Variants in CPNE7 observed in about 807,000 individuals in gnomAD.
CPNE7 encodes copine-7.
CPNE7 carries 78 observed loss-of-function variants against 66.5 expected under a neutral mutation model. The ratio of observed to expected loss-of-function variants is 1.17; its 90% CI spans 0.98 to 1.42. The LOEUF (loss-of-function observed/expected upper bound fraction) is 1.42, where lower values mean the gene tolerates loss of function less well. CPNE7 is among the 40% of genes most tolerant of loss of function. CPNE7 has a pLI of 0.00. For synonymous variants in CPNE7, 468 were observed against 336.7 expected, an observed-to-expected ratio of 1.39 and a Z score of -4.27; for missense variants, 1,012 against 776.6, an observed-to-expected ratio of 1.30 and a Z score of -3.60.
At chr16:89,586,912 G>T (rs2059050303) in intron 8 of CPNE7, 131 bp from the exon 9 acceptor site, 3 of 1,104,198 alleles carry the variant, frequency 2.7e-6, no homozygotes, top group African/African-American at 1.6e-5. Context: ...TGGGGAGAGA[G>T]GATGGGGGAG....
rs779031450 is a variant in CPNE7, at chr16:89,577,658, G to A, written c.294G>A (p.Gly98=). ...RLRFEVYDTH[G]PSGFSCQEDD... The stretch of plus-strand genomic sequence containing the variant: ...GCTTTGAGGTGTACGACACGCATGG[G>A]CCCAGCGGCTTCAGCTGTCAGGAGG... The change falls in exon 2 of 15, where the codon GGG becomes GGA. Residue 98 remains glycine, a synonymous_variant. Coordinates refer to ENST00000319518, the MANE Select transcript of CPNE7 (RefSeq NM_153636.3). 6.3e-7 allele frequency: 1 copy of A among 1,596,932 alleles called. No individual in the cohort carries two copies. The highest frequency in any genetic ancestry group is 8.5e-7 in the Non-Finnish European group (1 of 1,171,974).
In CPNE7 at chr16:89,596,527, C is replaced by G. The variant is rs150055504; in HGVS notation, c.1583C>G (p.Pro528Arg). 5 of 1,609,940 alleles carry G rather than the reference C, an allele frequency of 3.1e-6. No homozygotes were observed. Among genetic ancestry groups the G allele is most frequent in the South Asian group, 2.2e-5 (2 of 91,068 alleles). Residue 528 changes from proline (P) to arginine (R), a missense_variant, in exon 15 of 15, where the codon CCG (proline) becomes CGG (arginine). Transcript: ENST00000319518. ...ALAKCVLAEV[P>R]KQVVEYYSHR... The stretch of plus-strand genomic sequence containing the variant: ...GCCAAGTGCGTGCTGGCCGAGGTCC[C>G]GAAGCAGGTGGTGGAGTACTACAGC...
Position 89,596,782 on chromosome 16 carries a change from C to G in CPNE7, c.*161C>G, listed in dbSNP as rs3751681. 1 of 1,003,168 alleles carries G rather than the reference C, an allele frequency of 1.0e-6. No homozygotes were observed. The highest frequency in any genetic ancestry group is 1.3e-6 in the Non-Finnish European group (1 of 744,490). 62.1% of individuals were successfully genotyped at this position (1,003,168 alleles called of 1,614,324 possible). On this transcript the variant is annotated 3_prime_UTR_variant, in exon 15 of 15. Transcript: ENST00000319518. The stretch of plus-strand genomic sequence containing the variant: ...TCCTGGGATCCTGCTGGCTTGGGCC[C>G]GGCTCTGGGGCCCCCAAGGCCGAAG...
chr16:89,586,755 A>G lies in CPNE7; in HGVS notation c.866A>G (p.Lys289Arg), dbSNP rs758766727. ...NSGVVVLADL[K>R]FHRVYSFLDY... ...GGAGTGGTCGTCCTGGCTGACCTCAAGGTGAGAGGTGGCTGTGCCCGAAGC... is the reference window on the plus strand; with the variant it reads ...GGAGTGGTCGTCCTGGCTGACCTCAGGGTGAGAGGTGGCTGTGCCCGAAGC... Residue 289 changes from lysine to arginine, a missense_variant and splice_region_variant, in exon 8 of 15, where the codon AAG becomes AGG. Lys to Arg is a conservative substitution (Grantham distance 26, BLOSUM62 2). Transcript: ENST00000319518. The G allele has an allele frequency of 5.0e-6, 8 of 1,611,982 alleles. No individual in the cohort carries two copies. Among genetic ancestry groups the G allele is most frequent in the South Asian group, 1.1e-5 (1 of 91,026 alleles).
chr16:89,595,437 T>A lies in CPNE7; in HGVS notation c.1373T>A (p.Val458Glu), dbSNP rs778785862. ...ATGGCCGACACACGGGAGGCCATTGTGCGTGCCTCACGCCTGCCCATGTCC... is the reference window on the plus strand; with the variant it reads ...ATGGCCGACACACGGGAGGCCATTGAGCGTGCCTCACGCCTGCCCATGTCC... ...TDMADTREAIVRASRLPMSII... is the reference protein window; with the variant it reads ...TDMADTREAIERASRLPMSII... The change falls in exon 14 of 15, where the codon GTG becomes GAG. Residue 458 changes from valine to glutamate, a missense_variant. Coordinates refer to ENST00000319518, the MANE Select transcript of CPNE7 (RefSeq NM_153636.3). 2 of 1,611,092 alleles carry A rather than the reference T, an allele frequency of 1.2e-6. No homozygotes were observed. Among genetic ancestry groups the A allele is most frequent in the South Asian group, 2.2e-5 (2 of 90,896 alleles).
intron 7 of CPNE7, among the ~76,000 whole-genome samples, 163 bp from the exon 8 acceptor site, chr16:89,586,507 T>G (rs1001116209): frequency 6.6e-6 from 1 of 151,736 alleles, no homozygotes; most frequent in Non-Finnish European, 1.5e-5. Context: ...CATTCCCGTA[T>G]GACCCACTCT....
rs2059262045 is a variant in CPNE7, at chr16:89,596,659, G to A, written c.*38G>A. ...CGTAGGGTGGGGGCAGTGAGGAATG[G>A]GTCCGTACAGCCTCTGTCTGCAACA... On this transcript the variant is annotated 3_prime_UTR_variant, in exon 15 of 15. Coordinates refer to ENST00000319518, the MANE Select transcript of CPNE7 (RefSeq NM_153636.3). The A allele has an allele frequency of 1.3e-6, 2 of 1,547,972 alleles. No individual in the cohort carries two copies. Among genetic ancestry groups the A allele is most frequent in the Admixed American group, 1.9e-5 (1 of 51,874 alleles).
intron 9 of CPNE7, among the ~76,000 whole-genome samples, chr16:89,588,327 TG>T (rs1567962065): frequency 6.6e-6 from 1 of 152,120 alleles, no homozygotes; most frequent in Admixed American, 6.5e-5. Flanking sequence ...GTGGGAAACG[TG>T]GGGGGACCCA....
At chr16:89,595,265 G>A in intron 13 of CPNE7, 102 bp from the exon 14 acceptor site, 1 of 907,634 alleles carries the variant, frequency 1.1e-6, no homozygotes, top group Non-Finnish European at 1.7e-6. Flanking sequence ...AGGAAGCTCT[G>A]ACGCACGGAG....
chr16:89,582,569 G>A (rs2058972052), intron 2 of CPNE7, among the ~76,000 whole-genome samples: 1 of 152,184 alleles, frequency 6.6e-6, no homozygotes, highest in South Asian at 2.1e-4. Flanking sequence ...GGCCTGGCCC[G>A]AGGCTCCCCC....
intron 2 of CPNE7, among the ~76,000 whole-genome samples, chr16:89,582,406 T>A (rs116239848): frequency 0.012 from 1,774 of 152,352 alleles, 34 homozygotes; most frequent in African/African-American, 0.04. Flanking sequence ...GTTTCTCTCC[T>A]AAGGACCTGC....
chr16:89,584,780 T>C lies in CPNE7; in HGVS notation c.514T>C (p.Phe172Leu). 2 of 1,613,412 alleles carry C rather than the reference T, an allele frequency of 1.2e-6. No individual in the cohort carries two copies. The highest frequency in any genetic ancestry group is 1.1e-5 in the South Asian group (1 of 91,008). The change falls in exon 5 of 15, where the codon TTC becomes CTC. Residue 172 changes from phenylalanine to leucine, a missense_variant. Coordinates refer to ENST00000319518, the MANE Select transcript of CPNE7 (RefSeq NM_153636.3). This position sits in a 1 kb window ranked among gnomAD's most constrained non-coding sequence, Gnocchi z 6.0. ...RARKLDDKDL[F>L]SKSDPFLELY... Reference sequence around the variant, plus strand: ...CCCTTGTGCCTCTCCCCAGGACCTCTTCAGCAAGTCCGACCCCTTCCTGGA... The same window carrying C: ...CCCTTGTGCCTCTCCCCAGGACCTCCTCAGCAAGTCCGACCCCTTCCTGGA...
At chr16:89,592,592 G>A (rs1454315396) in intron 13 of CPNE7, among the ~76,000 whole-genome samples, 6 of 149,384 alleles carry the variant, frequency 4.0e-5, no homozygotes, top group African/African-American at 1.2e-4. Context: ...ACAGGCTCCC[G>A]CCACCACGCC....
chr16:89,596,528 G>A lies in CPNE7; in HGVS notation c.1584G>A (p.Pro528=), dbSNP rs148049732. The change falls in exon 15 of 15, where the codon CCG becomes CCA. Residue 528 remains proline (P), a synonymous_variant. Coordinates refer to ENST00000319518, the MANE Select transcript of CPNE7 (RefSeq NM_153636.3). ...ALAKCVLAEV[P]KQVVEYYSHR... Reference sequence around the variant, plus strand: ...CCAAGTGCGTGCTGGCCGAGGTCCCGAAGCAGGTGGTGGAGTACTACAGCC... The same window carrying A: ...CCAAGTGCGTGCTGGCCGAGGTCCCAAAGCAGGTGGTGGAGTACTACAGCC... The A allele has an allele frequency of 4.0e-4, 643 of 1,610,022 alleles. 1 individual carries two copies. The highest frequency in any genetic ancestry group is 5.2e-4 in the Non-Finnish European group (618 of 1,179,826).
chr16:89,580,788 C>T (rs1211821408), intron 2 of CPNE7, among the ~76,000 whole-genome samples: 1 of 151,036 alleles, frequency 6.6e-6, no homozygotes, highest in African/African-American at 2.4e-5. Context: ...GAACATCTCA[C>T]CCGTCACACG....
rs149415180 is a variant in CPNE7 at position 89,588,522 on chromosome 16, T to A, written c.928-153T>A. Among the ~76,000 whole-genome samples, 233 of 152,198 alleles carry A rather than the reference T, an allele frequency of 1.5e-3. 2 individuals are homozygous for A. Among genetic ancestry groups the A allele is most frequent in the African/African-American group, 5.4e-3 (224 of 41,524 alleles). ...ACCTCTCCTGGCCCTGTGTAGCAGG[T>A]GGGTCAGCCCCAACAGCAGCCCCCC... is the stretch of plus-strand genomic sequence containing the variant. On this transcript the variant is annotated intron_variant, in intron 9 of 14. Transcript: ENST00000319518.
Position 89,585,538 on chromosome 16 carries a change from G to T in CPNE7, c.666G>T (p.Glu222Asp). ...TGAGTTCCCTCTGCAGCTGCGAGGA[G>T]ACAAGGCCTCTAAAGGTGGGGGACG... ...VSLSSLCSCE[E>D]TRPLKCLVWD... The change falls in exon 6 of 15, where the codon GAG (glutamate) becomes GAT (aspartate). Residue 222 changes from glutamate (E) to aspartate (D), a missense_variant. Physicochemically the swap from Glu to Asp is conservative, Grantham distance 45. Transcript: ENST00000319518. The T allele has an allele frequency of 6.2e-7, 1 of 1,611,326 alleles. No homozygotes were observed. Among genetic ancestry groups the T allele is most frequent in the African/African-American group, 1.3e-5 (1 of 74,844 alleles).
At chr16:89,583,560 G>A (rs1428126862) in intron 2 of CPNE7, 137 bp from the exon 3 acceptor site, 1 of 1,593,712 alleles carries the variant, frequency 6.3e-7, no homozygotes, top group Non-Finnish European at 8.5e-7. Context: ...GGGGGCGCGG[G>A]CCCTGGGCAG....
rs150709771 is a variant in CPNE7, at chr16:89,596,495, G to A, written c.1551G>A (p.Ala517=). 682 of 1,608,228 alleles carry A rather than the reference G, an allele frequency of 4.2e-4. 3 individuals are homozygous for A. In the African/African-American group the frequency reaches 7.9e-3, roughly 19 times the overall value. The change falls in exon 15 of 15, where the codon GCG becomes GCA. Residue 517 remains alanine (A), a synonymous_variant. Coordinates refer to ENST00000319518, the MANE Select transcript of CPNE7 (RefSeq NM_153636.3). ...PFRELKNASP[A]ALAKCVLAEV... is the part of the protein sequence containing the mutation. ...GTCCCATCCTCCAGGCATCCCCTGC[G>A]GCGCTGGCCAAGTGCGTGCTGGCCG...
Sources: allele counts gnomAD v4.1 joint callset (sites outside exome capture counted in the v4.1 genomes callset), GRCh38; gene constraint gnomAD v4.1.1; non-coding constraint Gnocchi (gnomAD v3.1); transcripts MANE v1.5; gene names NCBI Gene and HGNC (gene_info 2026-07-23, HGNC 2026-07-21).